TENM1: variants seen among roughly 807,000 people sequenced by gnomAD.
The protein encoded by TENM1 is teneurin-1.
A neutral mutation model predicts 174.8 loss-of-function variants in TENM1; 35 were observed. That is an observed-to-expected ratio of 0.20 (90% CI 0.15 to 0.27). TENM1 has a LOEUF of 0.27. TENM1 is among the 10% of genes least tolerant of loss of function. TENM1 has a pLI of 1.00. For synonymous variants in TENM1, 781 were observed against 798.7 expected (o/e 0.98, Z 0.37); for missense variants, 1,633 against 2,130.1 (o/e 0.77, Z 4.59).
the TENM1 span, among the ~76,000 whole-genome samples, chrX:125,055,225 T>C: frequency 9.0e-6 from 1 of 111,622 alleles, no homozygotes; most frequent in Non-Finnish European, 1.9e-5. Flanking sequence ...TCATTATTAT[T>C]ACGTCAGTTT....
At chrX:124,870,880 T>A (rs1293151675) in intron 3 of TENM1, among the ~76,000 whole-genome samples, 1 of 111,863 alleles carries the variant, frequency 8.9e-6, no homozygotes, top group African/African-American at 3.3e-5. Context: ...TGACACATTA[T>A]AATTGCATGT....
At chrX:125,063,323 T>C in the TENM1 span, among the ~76,000 whole-genome samples, 1 of 111,999 alleles carries the variant, frequency 8.9e-6, no homozygotes, top group African/African-American at 3.2e-5. Context: ...TGTTATAACA[T>C]GTGTGAACAG....
intron 6 of TENM1, among the ~76,000 whole-genome samples, chrX:124,660,158 A>G (rs1448490996): frequency 1.8e-5 from 2 of 110,938 alleles, no homozygotes; most frequent in Admixed American, 1.9e-4. Context: ...GTGGATCACG[A>G]GGTCAGGAGA....
intron 3 of TENM1, among the ~76,000 whole-genome samples, chrX:124,759,538 T>A (rs1485959632): frequency 9.0e-6 from 1 of 111,251 alleles, no homozygotes; most frequent in African/African-American, 3.3e-5. Flanking sequence ...CCTCATAGAT[T>A]AGCTCCCAGT....
At chrX:124,872,857 T>C (rs1327332139) in intron 3 of TENM1, among the ~76,000 whole-genome samples, 1 of 111,393 alleles carries the variant, frequency 9.0e-6, no homozygotes, top group Non-Finnish European at 1.9e-5. Flanking sequence ...AGAAAGTATA[T>C]CCCCTCTATA....
At chrX:124,922,817 T>C (rs2058042520) in intron 1 of TENM1, among the ~76,000 whole-genome samples, 1 of 111,264 alleles carries the variant, frequency 9.0e-6, no homozygotes, top group South Asian at 3.7e-4. Context: ...ATAAAGTATT[T>C]TATGGTTCTT....
At chrX:125,143,835 T>A in the TENM1 span, among the ~76,000 whole-genome samples, 1 of 111,801 alleles carries the variant, frequency 8.9e-6, no homozygotes, top group Non-Finnish European at 1.9e-5. Flanking sequence ...ACTATGAAAT[T>A]AAACATATGG....
chrX:125,046,950 C>T, the TENM1 span, among the ~76,000 whole-genome samples: 2 of 109,311 alleles, frequency 1.8e-5, no homozygotes, highest in African/African-American at 6.7e-5. Context: ...ACTGCCCAAG[C>T]ACCATTTAAT....
At chrX:124,569,073 A>G (rs1430004880) in intron 11 of TENM1, among the ~76,000 whole-genome samples, 4 of 110,777 alleles carry the variant, frequency 3.6e-5, no homozygotes, top group Non-Finnish European at 7.6e-5. Context: ...GTGTGGTGGC[A>G]TGTGCCTACA....
intron 15 of TENM1, among the ~76,000 whole-genome samples, chrX:124,533,821 T>C (rs945635043): frequency 2.1e-4 from 24 of 111,918 alleles, no homozygotes; most frequent in African/African-American, 7.8e-4. Context: ...TGTGTGTCTA[T>C]ATGTGTGGTC....
At chrX:124,417,772 C>T (rs1188432143) in intron 25 of TENM1, among the ~76,000 whole-genome samples, 4 of 111,748 alleles carry the variant, frequency 3.6e-5, no homozygotes, top group Non-Finnish European at 7.5e-5. Context: ...AATCTCCCAC[C>T]TCACAACCTT....
chrX:124,502,273 T>C (rs1384167087), intron 19 of TENM1, among the ~76,000 whole-genome samples: 5 of 112,303 alleles, frequency 4.5e-5, no homozygotes, highest in African/African-American at 1.6e-4. Flanking sequence ...AGATAACACA[T>C]TTGTGAAAAT....
intron 3 of TENM1, among the ~76,000 whole-genome samples, chrX:124,797,724 A>G (rs1057156907): frequency 1.8e-5 from 2 of 109,704 alleles, no homozygotes; most frequent in Non-Finnish European, 3.8e-5. Context: ...ATACAAATAC[A>G]GAATGTGCAG....
chrX:124,810,000 C>A (rs2055721441), intron 3 of TENM1, among the ~76,000 whole-genome samples: 2 of 111,243 alleles, frequency 1.8e-5, no homozygotes, highest in African/African-American at 6.5e-5. Context: ...ACTGCCCCAA[C>A]ATGTGGGGAT....
At chrX:124,922,068 T>A (rs1364844348) in intron 1 of TENM1, among the ~76,000 whole-genome samples, 1 of 111,211 alleles carries the variant, frequency 9.0e-6, no homozygotes, top group Non-Finnish European at 1.9e-5. Flanking sequence ...TTAGTTTGAG[T>A]TTTTTCTCAA....
chrX:124,946,689 C>T (rs1415110220), intron 1 of TENM1, among the ~76,000 whole-genome samples: 3 of 111,169 alleles, frequency 2.7e-5, no homozygotes, highest in African/African-American at 6.5e-5. Context: ...ATGGAGACCT[C>T]GGTGATCTTG....
chrX:124,758,071 T>C (rs68044498), intron 3 of TENM1, among the ~76,000 whole-genome samples: 18,181 of 110,887 alleles, frequency 0.16, 1,854 homozygotes, highest in African/African-American at 0.38. Context: ...AGACAACCTA[T>C]GAAATGGGAG....
At chrX:125,118,036 G>A in the TENM1 span, among the ~76,000 whole-genome samples, 1 of 111,423 alleles carries the variant, frequency 9.0e-6, no homozygotes, top group African/African-American at 3.3e-5. Flanking sequence ...AATACTGCTC[G>A]GCCATGAAAA....
the TENM1 span, among the ~76,000 whole-genome samples, chrX:125,167,055 T>C: frequency 1.8e-5 from 2 of 111,460 alleles, no homozygotes; most frequent in Non-Finnish European, 3.8e-5. Context: ...GCCTGAATAA[T>C]AGAAAGAACA....
Sources: gnomAD v4.1 joint callset for allele counts (sites outside exome capture counted in the v4.1 genomes callset) on GRCh38, gnomAD v4.1.1 for gene constraint, MANE v1.5 for transcripts, NCBI Gene and HGNC (gene_info 2026-07-23, HGNC 2026-07-21) for gene names.